Variants in RPN1 observed in about 807,000 individuals in gnomAD.
The protein encoded by RPN1 is ribophorin I, also known as dolichyl-diphosphooligosaccharide--protein glycosyltransferase subunit 1.
A neutral mutation model predicts 55.5 loss-of-function variants in RPN1; 12 were observed. That is an observed-to-expected ratio of 0.22 (90% confidence interval 0.14 to 0.35). RPN1 has a LOEUF of 0.35. Ranked by LOEUF, RPN1 falls within the 10% of genes least tolerant of loss-of-function variation. The pLI is 1.00. For missense variants in RPN1, 679 were observed against 761.3 expected (o/e 0.89, Z 1.27); for synonymous variants, 317 against 305.9 (o/e 1.04, Z -0.38).
intron 8 of RPN1, among the ~76,000 whole-genome samples, chr3:128,624,895 G>A (rs2069587931): frequency 6.6e-6 from 1 of 152,066 alleles, no homozygotes; most frequent in South Asian, 2.1e-4. Context: ...CACCAGCTGT[G>A]CTCATCTCCT....
Position 128,631,815 on chromosome 3 carries a change from T to A in RPN1, c.843+133A>T, listed in dbSNP as rs189808013. 119 of 896,010 alleles carry A rather than the reference T, an allele frequency of 1.3e-4. 1 individual carries two copies. The highest frequency in any genetic ancestry group is 8.8e-6 in the Non-Finnish European group (5 of 571,210). The allele number at this position is 896,010 out of a possible 1,614,324, so 55.5% of individuals were successfully genotyped here. A position where few individuals can be genotyped will look rare whatever the true frequency, so the allele number is the denominator to read the frequency against. On this transcript the variant is annotated intron_variant, in intron 4 of 9. Coordinates refer to ENST00000296255, the MANE Select transcript of RPN1 (RefSeq NM_002950.4). ...TTAAGATTCTGTTGGTTTCTAACAC[T>A]GCCAATCAACAAGATGAACATCAGT...
intron 2 of RPN1, among the ~76,000 whole-genome samples, chr3:128,643,712 T>C (rs536324402): frequency 6.6e-6 from 1 of 151,838 alleles, no homozygotes; most frequent in Admixed American, 6.6e-5. Context: ...GGACAATCAC[T>C]TGAACCCGGG....
In RPN1 at chr3:128,644,998, GAT is replaced by G. The variant is rs1559758358; in HGVS notation, c.262-17_262-16del. ...TCTCCCTTTACCTACAACAGAAAAA[GAT>G]AGTTTATTATTCATGTCTTTTGGCT... On this transcript the variant is annotated splice_polypyrimidine_tract_variant and intron_variant, in intron 1 of 9. Coordinates refer to ENST00000296255, the MANE Select transcript of RPN1 (RefSeq NM_002950.4). 2 of 1,495,498 alleles carry G rather than the reference GAT, an allele frequency of 1.3e-6. No homozygotes were observed. Among genetic ancestry groups the G allele is most frequent in the South Asian group, 1.1e-5 (1 of 88,298 alleles). The allele number at this position is 1,495,498 out of a possible 1,614,324, so 92.6% of individuals were successfully genotyped here. A position where few individuals can be genotyped will look rare whatever the true frequency, so the allele number is the denominator to read the frequency against.
chr3:128,627,194 G>A (rs954003549), intron 5 of RPN1: 2 of 279,720 alleles, frequency 7.2e-6, no homozygotes, highest in South Asian at 4.1e-5. Context: ...GCTGAAACTC[G>A]GAGCAGTTGT....
chr3:128,650,515 G>A (rs866301749), intron 1 of RPN1, 25 bp downstream of exon 1: 16 of 1,516,450 alleles, frequency 1.1e-5, no homozygotes, highest in African/African-American at 1.4e-5. Flanking sequence ...CCCGGGAGCG[G>A]CGGCGAGGGG....
chr3:128,641,831 G>A (rs1244231717), intron 2 of RPN1, among the ~76,000 whole-genome samples: 1 of 151,850 alleles, frequency 6.6e-6, no homozygotes, highest in Non-Finnish European at 1.5e-5. Context: ...GGCTGGTCTC[G>A]AACTCCCAAC....
In RPN1 at chr3:128,622,207, A is replaced by G. The variant is rs1560019598; in HGVS notation, c.1598T>C (p.Leu533Pro). The G allele has an allele frequency of 6.2e-7, 1 of 1,614,146 alleles. No homozygotes were observed. Among genetic ancestry groups the G allele is most frequent in the East Asian group, 2.2e-5 (1 of 44,890 alleles). The change falls in exon 9 of 10, where the codon CTG becomes CCG. Residue 533 changes from leucine to proline, a missense_variant. Around this residue, in one of 3 missense-constraint regions of RPN1, gnomAD observed 306 missense variants for 360.0 expected, o/e 0.85. Transcript: ENST00000296255. The stretch of plus-strand genomic sequence containing the variant: ...GCCCTCTGTCTTCAGCCTGGACTGC[A>G]GCAGTGCAATCTCACTGGTCAAGGC... ...HKALTSEIAL[L>P]QSRLKTEGSD...
intron 2 of RPN1, 47 bp downstream of exon 2, chr3:128,644,872 T>A (rs752828333): frequency 9.4e-7 from 1 of 1,058,728 alleles, no homozygotes; most frequent in Non-Finnish European, 1.5e-6. Flanking sequence ...ATCCCAACCC[T>A]GACATAACCT....
At chr3:128,647,266 A>G (rs533726947) in intron 1 of RPN1, among the ~76,000 whole-genome samples, 46 of 152,346 alleles carry the variant, frequency 3.0e-4, no homozygotes, top group African/African-American at 1.0e-3. Context: ...TCCCAGTAAG[A>G]TACAAAAAGC....
chr3:128,647,579 C>G (rs954095971), intron 1 of RPN1, among the ~76,000 whole-genome samples: 2 of 151,612 alleles, frequency 1.3e-5, no homozygotes, highest in African/African-American at 4.9e-5. Flanking sequence ...GTAGTCCTAG[C>G]TACTCAGGGG....
chr3:128,642,946 G>C (rs543310123), intron 2 of RPN1, among the ~76,000 whole-genome samples: 65 of 152,132 alleles, frequency 4.3e-4, no homozygotes, highest in African/African-American at 1.4e-3. Context: ...GAACCCCAGA[G>C]GCGGAGGTTG....
At chr3:128,641,154 T>C (rs1292639555) in intron 2 of RPN1, 1 of 152,106 alleles carries the variant, frequency 6.6e-6, no homozygotes, top group Non-Finnish European at 1.5e-5. Context: ...GAACATTGTG[T>C]GAATGACTTG....
At chr3:128,621,034 C>T (rs570662895) in intron 9 of RPN1, among the ~76,000 whole-genome samples, 72 of 152,318 alleles carry the variant, frequency 4.7e-4, no homozygotes, top group African/African-American at 1.7e-3. Context: ...TTGTCACCTA[C>T]TGTACGTCAC....
At chr3:128,647,233 T>C (rs1232993904) in intron 1 of RPN1, among the ~76,000 whole-genome samples, 2 of 152,094 alleles carry the variant, frequency 1.3e-5, no homozygotes. Flanking sequence ...AATTAGACTA[T>C]CTTTTAGGAC....
At chr3:128,647,695 A>G (rs75515112) in intron 1 of RPN1, among the ~76,000 whole-genome samples, 17 of 144,332 alleles carry the variant, frequency 1.2e-4, no homozygotes, top group Non-Finnish European at 2.3e-4. Flanking sequence ...TGCCTCAAGA[A>G]AAAAAAAAAA....
At chr3:128,648,710 T>C (rs2069788390) in intron 1 of RPN1, among the ~76,000 whole-genome samples, 1 of 152,196 alleles carries the variant, frequency 6.6e-6, no homozygotes, top group African/African-American at 2.4e-5. Flanking sequence ...ATAGCACATA[T>C]ATCCATTTAA....
chr3:128,635,654 T>TAG (rs1188738731), intron 3 of RPN1, among the ~76,000 whole-genome samples: 8 of 75,602 alleles, frequency 1.1e-4, no homozygotes, highest in African/African-American at 3.6e-4. Flanking sequence ...TATATATATA[T>TAG]ATATATATAT....
chr3:128,650,741 C>T lies in RPN1; in HGVS notation c.60G>A (p.Ala20=), dbSNP rs371175851. The T allele has an allele frequency of 1.9e-5, 29 of 1,553,310 alleles. No individual in the cohort carries two copies. Among genetic ancestry groups the T allele is most frequent in the Non-Finnish European group, 2.5e-5 (29 of 1,148,396 alleles). Residue 20 remains alanine, a synonymous_variant, in exon 1 of 10, where the codon GCG becomes GCA. Transcript: ENST00000296255. ...GTGCCTCGGAGGAGGCGCTGCCCGGCGCCGGGGCCCAAGTCCCAAGCAACA... is the reference window on the plus strand; with the variant it reads ...GTGCCTCGGAGGAGGCGCTGCCCGGTGCCGGGGCCCAAGTCCCAAGCAACA... ...LLLLLGTWAP[A]PGSASSEAPP...
At chr3:128,635,704 CA>C (rs2069676916) in intron 3 of RPN1, among the ~76,000 whole-genome samples, 1 of 147,412 alleles carries the variant, frequency 6.8e-6, no homozygotes, top group African/African-American at 2.5e-5. Flanking sequence ...CACACACACA[CA>C]CACACACACA....
Sources: gnomAD v4.1 joint callset for allele counts (sites outside exome capture counted in the v4.1 genomes callset) on GRCh38, gnomAD v4.1.1 for gene constraint, gnomAD v4.1.1 regional missense constraint, MANE v1.5 for transcripts, NCBI Gene and HGNC (gene_info 2026-07-23, HGNC 2026-07-21) for gene names.